SLC25A34: variants seen among roughly 807,000 people sequenced by gnomAD.
The protein encoded by SLC25A34 is solute carrier family 25 member 34, also known as solute carrier family 25, member 34.
Under a neutral mutation model 28.1 loss-of-function variants are expected in SLC25A34, and 26 were observed. The observed-to-expected ratio is 0.93, with a 90% CI of 0.68 to 1.28. SLC25A34 has a LOEUF of 1.28. Ranked by LOEUF, SLC25A34 falls within the 50% of genes most tolerant of loss-of-function variation. The pLI is 0.00. For synonymous variants in SLC25A34, 182 were observed against 182.2 expected, an observed-to-expected ratio of 1.00 and a Z score of 0.01; for missense variants, 384 against 409.8, an observed-to-expected ratio of 0.94 and a Z score of 0.54.
chr1:15,736,958 TGGGTG>T, intron 1 of SLC25A34, 95 bp downstream of exon 1: 1 of 1,369,956 alleles, frequency 7.3e-7, no homozygotes, highest in Non-Finnish European at 9.5e-7. Context: ...TCAGTGGACC[TGGGTG>T]GGGTGGGGCA....
At position 15,739,361 on chromosome 1, in the gene SLC25A34, C is replaced by A. The variant is rs111842948; in HGVS notation, c.870C>A (p.Asp290Glu). Residue 290 changes from aspartate to glutamate, a missense_variant, in exon 5 of 5, where the codon GAC becomes GAA. Asp to Glu is a conservative substitution (Grantham distance 45, BLOSUM62 2). Coordinates refer to ENST00000294454, the MANE Select transcript of SLC25A34 (RefSeq NM_207348.3). ...CCATCCTCAGCATGCTCTTCTGGGA[C>A]GAGCTTCGGAAACTGGCTGGGCGGG... ...PHTILSMLFW[D>E]ELRKLAGRAQ... 3 of 1,581,834 alleles carry A rather than the reference C, an allele frequency of 1.9e-6. No homozygotes were observed. The highest frequency in any genetic ancestry group is 1.1e-5 in the South Asian group (1 of 88,154).
In SLC25A34 at chr1:15,736,363, C is replaced by T; in HGVS notation, c.-123C>T. 1 of 1,111,582 alleles carries T rather than the reference C, an allele frequency of 9.0e-7. No individual in the cohort carries two copies. The highest frequency in any genetic ancestry group is 1.2e-6 in the Non-Finnish European group (1 of 854,850). 68.9% of individuals were successfully genotyped at this position (1,111,582 alleles called of 1,614,324 possible). On this transcript the variant is annotated 5_prime_UTR_variant, in exon 1 of 5. Coordinates refer to ENST00000294454, the MANE Select transcript of SLC25A34 (RefSeq NM_207348.3). ...CAGGACCCTTACCCTCTAGACATGG[C>T]CTCGGTCCCCTGCAAACCCCAGCCC...
In SLC25A34 at chr1:15,738,375, G is replaced by A. The variant is rs558020089; in HGVS notation, c.597+130G>A. Reference sequence around the variant, plus strand: ...GGGCCCTGCCTCTGCCCTCAGAGTCGTGACTCCGGCCCTTGGTACCAGCAG... The same window carrying A: ...GGGCCCTGCCTCTGCCCTCAGAGTCATGACTCCGGCCCTTGGTACCAGCAG... On this transcript the variant is annotated intron_variant, in intron 3 of 4. Transcript: ENST00000294454. 8.8e-5 allele frequency: 119 copies of A among 1,352,076 alleles called. 3 individuals carry two copies. The South Asian group carries it at 1.2e-3, about 14-fold the overall frequency. 83.8% of individuals were successfully genotyped at this position (1,352,076 alleles called of 1,614,324 possible).
At position 15,736,818 on chromosome 1, in the gene SLC25A34, C is replaced by G. The variant is rs535258475; in HGVS notation, c.333C>G (p.Ala111=). 2 of 1,593,424 alleles carry G rather than the reference C, an allele frequency of 1.3e-6. No homozygotes were observed. The highest frequency in any genetic ancestry group is 1.7e-6 in the Non-Finnish European group (2 of 1,173,488). Residue 111 remains alanine, a synonymous_variant, in exon 1 of 5, where the codon GCC becomes GCG. Coordinates refer to ENST00000294454, the MANE Select transcript of SLC25A34 (RefSeq NM_207348.3). The part of the protein sequence containing the change: ...QQPGGTVVAG[A]VAGALGAFVG... Reference sequence around the variant, plus strand: ...CAGGTGGCACCGTGGTTGCGGGAGCCGTGGCGGGGGCACTGGGAGCCTTCG... The same window carrying G: ...CAGGTGGCACCGTGGTTGCGGGAGCGGTGGCGGGGGCACTGGGAGCCTTCG...
Position 15,737,876 on chromosome 1 carries a change from C to T in SLC25A34, c.379-53C>T, listed in dbSNP as rs368613292. ...GGGCGCCCTCAACACACACAGCTCA[C>T]CCTGGCTCTCCCAGGCTCCATCCCC... On this transcript the variant is annotated intron_variant, in intron 1 of 4. Transcript: ENST00000294454. 4.9e-4 allele frequency: 781 copies of T among 1,604,278 alleles called. 1 individual carries two copies. Among genetic ancestry groups the T allele is most frequent in the Non-Finnish European group, 6.3e-4 (744 of 1,171,998 alleles).
chr1:15,737,685 A>G, intron 1 of SLC25A34: 1 of 553,940 alleles, frequency 1.8e-6, no homozygotes, highest in South Asian at 2.3e-5. Flanking sequence ...CAGCTTTCCA[A>G]CCGTGACAGA....
chr1:15,738,538 C>T lies in SLC25A34; in HGVS notation c.598-56C>T, dbSNP rs1480400352. On this transcript the variant is annotated intron_variant, in intron 3 of 4. Transcript: ENST00000294454. ...TGTGTGGTAGGAGGCCGGGAGGGCA[C>T]GACGTGGGTGGGTAGAGAGCTGTTG... is the stretch of plus-strand genomic sequence containing the variant. The T allele has an allele frequency of 2.9e-5, 46 of 1,564,666 alleles. 1 individual carries two copies. Among genetic ancestry groups the T allele is most frequent in the African/African-American group, 1.2e-4 (9 of 72,858 alleles).
intron 4 of SLC25A34, 137 bp from the exon 5 acceptor site, chr1:15,739,087 C>A: frequency 8.8e-7 from 1 of 1,134,506 alleles, no homozygotes; most frequent in Non-Finnish European, 1.2e-6. Context: ...CATGGCGCCG[C>A]AGCCTCACAG....
Position 15,739,204 on chromosome 1 carries a change from C to T in SLC25A34, c.733-20C>T, listed in dbSNP as rs780899615. The T allele has an allele frequency of 6.2e-7, 1 of 1,608,418 alleles. No individual in the cohort carries two copies. The highest frequency in any genetic ancestry group is 2.2e-5 in the East Asian group (1 of 44,706). On this transcript the variant is annotated intron_variant, in intron 4 of 4. Transcript: ENST00000294454. ...GCCTCAAGGCCCCTGTAGTAACACT[C>T]ACCCCATGTCTTTCCCCAGGGCCAG...
In SLC25A34 at chr1:15,736,531, G is replaced by C. The variant is rs965569893; in HGVS notation, c.46G>C (p.Ala16Pro). 5 of 1,450,226 alleles carry C rather than the reference G, an allele frequency of 3.4e-6. No individual in the cohort carries two copies. In the African/African-American group the frequency reaches 7.2e-5, roughly 21 times the overall value. The allele number at this position is 1,450,226 out of a possible 1,614,324, so 89.8% of individuals were successfully genotyped here. The change falls in exon 1 of 5, where the codon GCC (alanine) becomes CCC (proline). Residue 16 changes from alanine to proline, a missense_variant. Ala to Pro is a conservative substitution (Grantham distance 27). Coordinates refer to ENST00000294454, the MANE Select transcript of SLC25A34 (RefSeq NM_207348.3). ...PAVDLVLGAS[A>P]CCLACVFTNP... ...AGTGGACCTGGTGCTGGGTGCTTCT[G>C]CCTGCTGCCTGGCCTGTGTCTTCAC...
rs2068277169 is a variant in SLC25A34, at chr1:15,741,192, A to G, written c.*1786A>G. ...TGGGCCTTTCTCTAGACTGAGCACC[A>G]TTCCCCGTGGGTGTGCTCTCAGCGC... On this transcript the variant is annotated 3_prime_UTR_variant, in exon 5 of 5. Transcript: ENST00000294454. The G allele has an allele frequency of 6.6e-6, 1 of 152,460 alleles. No homozygotes were observed. Among genetic ancestry groups the G allele is most frequent in the Admixed American group, 6.5e-5 (1 of 15,284 alleles). 9.4% of individuals were successfully genotyped at this position (152,460 alleles called of 1,614,324 possible).
At position 15,739,303 on chromosome 1, in the gene SLC25A34, TGGGCCCC is replaced by T. The variant is rs2068257814; in HGVS notation, c.814_820del (p.Gly272ProfsTer124). On this transcript the variant is annotated frameshift_variant, in exon 5 of 5. Transcript: ENST00000294454. LOFTEE classifies it high-confidence loss of function. Reference sequence around the variant, plus strand: ...GGCCCCCTGGCACTCTACAAGGGCCTGGGCCCCGCCTACCTGCGCCTGGGCCCCCACA... The same window carrying T: ...GGCCCCCTGGCACTCTACAAGGGCCTGCCTACCTGCGCCTGGGCCCCCACA... 1.2e-6 allele frequency: 2 copies of T among 1,610,938 alleles called. No individual in the cohort carries two copies. Among genetic ancestry groups the T allele is most frequent in the Non-Finnish European group, 1.7e-6 (2 of 1,179,000 alleles).
chr1:15,736,701 G>T lies in SLC25A34; in HGVS notation c.216G>T (p.Gly72=), dbSNP rs138969157. 1.7e-4 allele frequency: 281 copies of T among 1,609,584 alleles called. No individual in the cohort carries two copies. The Admixed American group carries it at 4.2e-3, about 24-fold the overall frequency. ...ACGGGCTGTGGGGCCTGCAGAAGGGGCTGGCTGCCGGCCTTCTGTACCAAG... is the reference window on the plus strand; with the variant it reads ...ACGGGCTGTGGGGCCTGCAGAAGGGTCTGGCTGCCGGCCTTCTGTACCAAG... ...RADGLWGLQK[G]LAAGLLYQGL... The change falls in exon 1 of 5, where the codon GGG becomes GGT. Residue 72 remains glycine, a synonymous_variant. Transcript: ENST00000294454.
chr1:15,736,583 G>C lies in SLC25A34; in HGVS notation c.98G>C (p.Arg33Pro). 1 of 1,523,906 alleles carries C rather than the reference G, an allele frequency of 6.6e-7. No individual in the cohort carries two copies. The highest frequency in any genetic ancestry group is 8.8e-7 in the Non-Finnish European group (1 of 1,136,098). 94.4% of individuals were successfully genotyped at this position (1,523,906 alleles called of 1,614,324 possible). A position where few individuals can be genotyped will look rare whatever the true frequency, so the allele number is the denominator to read the frequency against. Residue 33 changes from arginine (R) to proline (P), a missense_variant, in exon 1 of 5, where the codon CGG becomes CCG. Transcript: ENST00000294454. ...FTNPLEVVKT[R>P]LQLQGELQAR... Reference sequence around the variant, plus strand: ...AACCCCCTGGAGGTGGTGAAGACGCGGCTGCAGCTGCAGGGGGAGCTGCAG... The same window carrying C: ...AACCCCCTGGAGGTGGTGAAGACGCCGCTGCAGCTGCAGGGGGAGCTGCAG...
chr1:15,736,503 A>C lies in SLC25A34; in HGVS notation c.18A>C (p.Pro6=). Residue 6 remains proline, a synonymous_variant, in exon 1 of 5, where the codon CCA becomes CCC. Transcript: ENST00000294454. The part of the protein sequence containing the change: METVP[P]AVDLVLGASA... Reference sequence around the variant, plus strand: ...CGGAGGCCATGGAGACGGTGCCCCCAGCAGTGGACCTGGTGCTGGGTGCTT... The same window carrying C: ...CGGAGGCCATGGAGACGGTGCCCCCCGCAGTGGACCTGGTGCTGGGTGCTT... The C allele has an allele frequency of 6.9e-7, 1 of 1,453,144 alleles. No individual in the cohort carries two copies. The highest frequency in any genetic ancestry group is 9.1e-7 in the Non-Finnish European group (1 of 1,103,962). The allele number at this position is 1,453,144 out of a possible 1,614,324, so 90.0% of individuals were successfully genotyped here.
chr1:15,738,740 CG>C lies in SLC25A34; in HGVS notation c.732+15del, dbSNP rs760675951. The C allele has an allele frequency of 1.3e-6, 2 of 1,556,924 alleles. No individual in the cohort carries two copies. Among genetic ancestry groups the C allele is most frequent in the Non-Finnish European group, 1.7e-6 (2 of 1,152,444 alleles). On this transcript the variant is annotated intron_variant, in intron 4 of 4. Coordinates refer to ENST00000294454, the MANE Select transcript of SLC25A34 (RefSeq NM_207348.3). ...ACACAGCTGGCAGGGTGAGCAGGGG[CG>C]GGTCTAGGGGAGACCGTGGGGAGCT...
rs768013989 is a variant in SLC25A34 at position 15,739,437 on chromosome 1, G to A, written c.*31G>A. 1.7e-5 allele frequency: 26 copies of A among 1,488,274 alleles called. No homozygotes were observed. The highest frequency in any genetic ancestry group is 1.2e-4 in the East Asian group (5 of 40,932). 92.2% of individuals were successfully genotyped at this position (1,488,274 alleles called of 1,614,324 possible). ...GGCCCTCACCCCCACGTCCTGACACGGCCGGCACTTGGCCGGAAGTGAGAG... is the reference window on the plus strand; with the variant it reads ...GGCCCTCACCCCCACGTCCTGACACAGCCGGCACTTGGCCGGAAGTGAGAG... On this transcript the variant is annotated 3_prime_UTR_variant, in exon 5 of 5. Transcript: ENST00000294454.
chr1:15,737,908 G>A (rs148798252), intron 1 of SLC25A34, 21 bp from the exon 2 acceptor site: 36 of 1,613,766 alleles, frequency 2.2e-5, no homozygotes, highest in Non-Finnish European at 2.7e-5. Context: ...CCCCACACCC[G>A]TGTCCTCTCT....
At position 15,738,212 on chromosome 1, in the gene SLC25A34, C is replaced by T. The variant is rs774524868; in HGVS notation, c.564C>T (p.Phe188=). The change falls in exon 3 of 5, where the codon TTC becomes TTT. Residue 188 remains phenylalanine, a synonymous_variant. Coordinates refer to ENST00000294454, the MANE Select transcript of SLC25A34 (RefSeq NM_207348.3). ...MVGSAAQLAT[F]ASAKAWVQKQ... ...GCTCAGCTGCCCAGCTGGCCACCTTCGCCTCTGCCAAGGCCTGGGTACAGA... is the reference window on the plus strand; with the variant it reads ...GCTCAGCTGCCCAGCTGGCCACCTTTGCCTCTGCCAAGGCCTGGGTACAGA... The T allele has an allele frequency of 2.5e-5, 40 of 1,603,372 alleles. No individual in the cohort carries two copies. The highest frequency in any genetic ancestry group is 1.2e-4 in the South Asian group (11 of 89,404).
Sources: gnomAD v4.1 joint callset for allele counts on GRCh38, gnomAD v4.1.1 for gene constraint, MANE v1.5 for transcripts, NCBI Gene and HGNC (gene_info 2026-07-23, HGNC 2026-07-21) for gene names.